The following FMN2 variants were observed in gnomAD, a reference collection of about 807,000 sequenced individuals.
FMN2 encodes the protein formin 2.
Under a neutral mutation model 142.3 loss-of-function variants are expected in FMN2, and 51 were observed. The ratio of observed to expected loss-of-function variants is 0.36; its 90% CI spans 0.29 to 0.45. The LOEUF is 0.45. Among genes scored for constraint, FMN2 ranks in the 20% least tolerant of loss-of-function variants. FMN2 has a pLI of 1.00. For missense variants in FMN2, 1,936 were observed against 2,122.8 expected, an observed-to-expected ratio of 0.91 and a Z score of 1.73; for synonymous variants, 882 against 869.8, an observed-to-expected ratio of 1.01 and a Z score of -0.25.
intron 4 of FMN2, among the ~76,000 whole-genome samples, chr1:240,204,079 T>A (rs1029131323): frequency 3.3e-5 from 5 of 152,150 alleles, no homozygotes; most frequent in African/African-American, 1.2e-4. Context: ...TACATTCCTT[T>A]ATTAGTTGAA....
intron 16 of FMN2, among the ~76,000 whole-genome samples, chr1:240,443,487 CAGCACTTTGGGAGGCCA>C (rs1553265914): frequency 5.3e-5 from 8 of 152,064 alleles, no homozygotes; most frequent in South Asian, 2.1e-4. Context: ...TTTGGGAGGC[CAGCACTTTGGGAGGCCA>C]AGCACTTTGG....
intron 15 of FMN2, among the ~76,000 whole-genome samples, chr1:240,407,589 G>A (rs1212196246): frequency 1.3e-5 from 2 of 152,208 alleles, no homozygotes; most frequent in African/African-American, 4.8e-5. Flanking sequence ...TTCATTTGTT[G>A]TGAGAATTCA....
At chr1:240,169,865 G>A (rs1285596506) in intron 2 of FMN2, among the ~76,000 whole-genome samples, 1 of 152,088 alleles carries the variant, frequency 6.6e-6, no homozygotes, top group East Asian at 1.9e-4. Flanking sequence ...TCCCCTTCAT[G>A]CAAACTGTGG....
At chr1:240,451,118 A>G (rs1012906816) in intron 16 of FMN2, among the ~76,000 whole-genome samples, 3 of 152,098 alleles carry the variant, frequency 2.0e-5, no homozygotes, top group Admixed American at 1.3e-4. Context: ...CTGTAATCCT[A>G]GTGCTTTGGG....
intron 1 of FMN2, among the ~76,000 whole-genome samples, chr1:240,118,432 T>A (rs1662107838): frequency 1.3e-5 from 2 of 151,918 alleles, no homozygotes. Flanking sequence ...GGGAACAGGA[T>A]AGTGTGCAAG....
chr1:240,356,004 A>C, intron 14 of FMN2, 96 bp downstream of exon 14: 1 of 769,704 alleles, frequency 1.3e-6, no homozygotes. Flanking sequence ...GGCATTGTTT[A>C]AAAAATACAT....
chr1:240,365,134 T>TATATAG (rs1193798471), intron 14 of FMN2, among the ~76,000 whole-genome samples: 3 of 151,444 alleles, frequency 2.0e-5, no homozygotes, highest in Non-Finnish European at 2.9e-5. Context: ...TGTATGTGCA[T>TATATAG]ATATAGATAT....
intron 8 of FMN2, among the ~76,000 whole-genome samples, chr1:240,306,255 G>A (rs1670397602): frequency 6.6e-6 from 1 of 151,992 alleles, no homozygotes; most frequent in Non-Finnish European, 1.5e-5. Context: ...GCTGCTTATA[G>A]TTTTTATTTT....
chr1:240,266,860 T>G (rs1668831055), intron 7 of FMN2, among the ~76,000 whole-genome samples: 1 of 152,104 alleles, frequency 6.6e-6, no homozygotes, highest in Admixed American at 6.6e-5. Context: ...GGACTCCCTA[T>G]TTAATAAATG....
At chr1:240,383,887 A>AATAT (rs1214605635) in intron 14 of FMN2, among the ~76,000 whole-genome samples, 1 of 150,230 alleles carries the variant, frequency 6.7e-6, no homozygotes, top group South Asian at 2.1e-4. Context: ...AAAGAAAAAA[A>AATAT]ATATATATAT....
chr1:240,143,616 A>G, intron 2 of FMN2: 4 of 1,609,952 alleles, frequency 2.5e-6, no homozygotes, highest in Non-Finnish European at 3.4e-6. Context: ...TGTTGGCAAA[A>G]CTGCGGAATG....
intron 4 of FMN2, among the ~76,000 whole-genome samples, chr1:240,201,482 G>C (rs1168694101): frequency 1.3e-5 from 2 of 152,122 alleles, no homozygotes; most frequent in African/African-American, 4.8e-5. Context: ...TTTAAAAAAT[G>C]AATTTGCATA....
chr1:240,353,641 A>T (rs956367580), intron 13 of FMN2, among the ~76,000 whole-genome samples: 1 of 152,226 alleles, frequency 6.6e-6, no homozygotes, highest in Admixed American at 6.5e-5. Context: ...TCAACTTGTG[A>T]ACTATAGAAA....
rs954587616 is a variant in FMN2 at position 240,396,828 on chromosome 1, C to G, written c.4910+4266C>G. Among the ~76,000 whole-genome samples the G allele has an allele frequency of 2.6e-5, 4 of 152,170 alleles. No individual in the cohort carries two copies. The South Asian group carries it at 8.3e-4, about 32-fold the overall frequency. Reference sequence around the variant, plus strand: ...CATAGTATTCCATGATGTATGTGTACCACATTTTCTTTATGCAGTCCACTG... The same window carrying G: ...CATAGTATTCCATGATGTATGTGTAGCACATTTTCTTTATGCAGTCCACTG... On this transcript the variant is annotated intron_variant, in intron 15 of 17. Coordinates refer to ENST00000319653, the MANE Select transcript of FMN2 (RefSeq NM_020066.5).
At chr1:240,314,942 C>T (rs115657026) in intron 8 of FMN2, among the ~76,000 whole-genome samples, 208 of 152,320 alleles carry the variant, frequency 1.4e-3, no homozygotes, top group African/African-American at 4.9e-3. Context: ...TGCGCATTCA[C>T]TCTTTAATAA....
chr1:240,274,702 A>T (rs968725680), intron 7 of FMN2, among the ~76,000 whole-genome samples: 1 of 152,124 alleles, frequency 6.6e-6, no homozygotes, highest in African/African-American at 2.4e-5. Context: ...CAGATGTGAG[A>T]TGCTGGCGGC....
intron 11 of FMN2, 106 bp downstream of exon 11, chr1:240,330,855 T>A: frequency 2.3e-6 from 3 of 1,332,514 alleles, no homozygotes; most frequent in Non-Finnish European, 3.0e-6. Context: ...TGTTCCTAGG[T>A]CAAATGCTTC....
At chr1:240,262,766 T>G (rs1262932077) in intron 7 of FMN2, among the ~76,000 whole-genome samples, 1 of 148,562 alleles carries the variant, frequency 6.7e-6, no homozygotes, top group Non-Finnish European at 1.5e-5. Context: ...TTACTTTTTT[T>G]TTTTTTTTTT....
intron 16 of FMN2, among the ~76,000 whole-genome samples, chr1:240,453,289 ACCAG>A (rs1676120325): frequency 6.6e-6 from 1 of 152,174 alleles, no homozygotes; most frequent in Non-Finnish European, 1.5e-5. Context: ...ATTCTATTCT[ACCAG>A]CCACCCTTCC....
Sources: allele counts gnomAD v4.1 joint callset (sites outside exome capture counted in the v4.1 genomes callset), GRCh38; gene constraint gnomAD v4.1.1; transcripts MANE v1.5; gene names NCBI Gene and HGNC (gene_info 2026-07-23, HGNC 2026-07-21).